KIF4A: variants seen among roughly 807,000 people sequenced by gnomAD.
KIF4A encodes the protein kinesin family member 4A, also known as chromosome-associated kinesin KIF4A.
A neutral mutation model predicts 105.9 loss-of-function variants in KIF4A; 7 were observed. The observed-to-expected ratio is 0.07, with a 90% CI of 0.04 to 0.12. The LOEUF (loss-of-function observed/expected upper bound fraction) is 0.12, where lower values mean the gene tolerates loss of function less well. KIF4A is among the 10% of genes least tolerant of loss of function. The pLI, the probability that KIF4A is intolerant of heterozygous loss-of-function variation, is 1.00. For missense variants in KIF4A, 558 were observed against 929.2 expected (o/e 0.60, Z 5.19); for synonymous variants, 281 against 331.3 (o/e 0.85, Z 1.65).
At chrX:70,294,988 C>T (rs1274202794) in intron 3 of KIF4A, among the ~76,000 whole-genome samples, 2 of 112,021 alleles carry the variant, frequency 1.8e-5, no homozygotes, top group Admixed American at 1.9e-4. Flanking sequence ...GTGGGAGGAT[C>T]GCTTGGGCCT....
intron 28 of KIF4A, among the ~76,000 whole-genome samples, chrX:70,408,293 CAG>C (rs1291403216): frequency 9.0e-6 from 1 of 111,260 alleles, no homozygotes; most frequent in East Asian, 2.8e-4. Context: ...CTTTGCCTAA[CAG>C]AGTAATTTTA....
At chrX:70,369,865 T>C (rs943183970) in intron 15 of KIF4A, among the ~76,000 whole-genome samples, 1 of 112,006 alleles carries the variant, frequency 8.9e-6, no homozygotes, top group Non-Finnish European at 1.9e-5. Context: ...ATATGTAATA[T>C]ATAATACATT....
At chrX:70,324,612 T>TA (rs1387486024) in intron 7 of KIF4A, among the ~76,000 whole-genome samples, 1 of 111,647 alleles carries the variant, frequency 9.0e-6, no homozygotes, top group Non-Finnish European at 1.9e-5. Context: ...AATAACCTTC[T>TA]AAATGGTTTC....
At chrX:70,317,269 A>G (rs1205397920) in intron 7 of KIF4A, among the ~76,000 whole-genome samples, 2 of 111,538 alleles carry the variant, frequency 1.8e-5, no homozygotes, top group Non-Finnish European at 3.8e-5. Context: ...TTTAGACTCA[A>G]GCTTCTCAAA....
intron 24 of KIF4A, 105 bp from the exon 25 acceptor site, chrX:70,404,610 A>G: frequency 2.0e-6 from 1 of 489,220 alleles, no homozygotes; most frequent in South Asian, 3.4e-5. Flanking sequence ...GTTTACTTCT[A>G]AATCACAAGA....
chrX:70,359,605 T>G (rs778980049), intron 15 of KIF4A, among the ~76,000 whole-genome samples: 4 of 109,018 alleles, frequency 3.7e-5, no homozygotes, highest in African/African-American at 1.3e-4. Context: ...GGCCTTAGGG[T>G]GTGAATCTTT....
Position 70,404,792 on chromosome X carries a change from A to G in KIF4A, c.2868A>G (p.Glu956=), listed in dbSNP as rs1442072554. 3 of 1,203,309 alleles carry G rather than the reference A, an allele frequency of 2.5e-6. No individual in the cohort carries two copies. The highest frequency in any genetic ancestry group is 3.4e-6 in the Non-Finnish European group (3 of 890,152). ...TAGAGGAATCAGTCAGTGAAAAGGA[A>G]CAGCAGCTGCTGAGCACACTGAAGT... ...KQLEESVSEK[E]QQLLSTLKCQ... The change falls in exon 25 of 31, where the codon GAA becomes GAG. Residue 956 remains glutamate (E), a synonymous_variant. Coordinates refer to ENST00000374403, the MANE Select transcript of KIF4A (RefSeq NM_012310.5).
At chrX:70,307,306 A>G (rs1388457157) in intron 7 of KIF4A, among the ~76,000 whole-genome samples, 1 of 110,740 alleles carries the variant, frequency 9.0e-6, no homozygotes, top group Admixed American at 9.6e-5. Context: ...AGTTTTGTAG[A>G]TCTTGTATCT....
intron 15 of KIF4A, among the ~76,000 whole-genome samples, chrX:70,364,685 A>G (rs1230945483): frequency 9.0e-6 from 1 of 111,605 alleles, no homozygotes; most frequent in African/African-American, 3.3e-5. Flanking sequence ...GATACCTCCA[A>G]CTTTGTTCTT....
intron 7 of KIF4A, among the ~76,000 whole-genome samples, chrX:70,324,076 G>A (rs980766724): frequency 1.2e-4 from 13 of 110,924 alleles, no homozygotes; most frequent in African/African-American, 3.3e-4. Flanking sequence ...GATCTGCCTC[G>A]GCCTCCCAGA....
intron 5 of KIF4A, among the ~76,000 whole-genome samples, chrX:70,300,951 G>A (rs948368651): frequency 8.9e-6 from 1 of 111,875 alleles, no homozygotes; most frequent in Non-Finnish European, 1.9e-5. Flanking sequence ...ACCAGTTGGG[G>A]AAACTGTTGC....
intron 10 of KIF4A, among the ~76,000 whole-genome samples, chrX:70,340,963 A>T (rs2085970194): frequency 9.0e-6 from 1 of 111,579 alleles, no homozygotes; most frequent in African/African-American, 3.3e-5. Flanking sequence ...AAAACAAAAA[A>T]CAGCCCTACT....
At chrX:70,313,548 A>G (rs1347119654) in intron 7 of KIF4A, among the ~76,000 whole-genome samples, 5 of 112,195 alleles carry the variant, frequency 4.5e-5, no homozygotes, top group African/African-American at 6.5e-5. Flanking sequence ...CCACAACCAG[A>G]TACCTTGACC....
chrX:70,377,356 G>A (rs901946394), intron 18 of KIF4A, among the ~76,000 whole-genome samples: 1 of 111,757 alleles, frequency 8.9e-6, no homozygotes, highest in Non-Finnish European at 1.9e-5. Context: ...ACAGGCATGA[G>A]CCACTGAACC....
intron 7 of KIF4A, among the ~76,000 whole-genome samples, chrX:70,305,259 G>A (rs1306621052): frequency 9.0e-6 from 1 of 111,510 alleles, no homozygotes; most frequent in Non-Finnish European, 1.9e-5. Context: ...TTCACAAGGA[G>A]TTGTATAACC....
chrX:70,306,697 C>T (rs1449683159), intron 7 of KIF4A, among the ~76,000 whole-genome samples: 1 of 111,073 alleles, frequency 9.0e-6, no homozygotes, highest in African/African-American at 3.3e-5. Context: ...CATGCCAGCA[C>T]ACCTGGCTGA....
chrX:70,393,226 G>A (rs968672198), intron 20 of KIF4A, among the ~76,000 whole-genome samples: 2 of 111,010 alleles, frequency 1.8e-5, no homozygotes, highest in Non-Finnish European at 3.8e-5. Flanking sequence ...GTTTCCAAAT[G>A]TTTGGGGATT....
intron 20 of KIF4A, 124 bp downstream of exon 20, chrX:70,387,421 G>T: frequency 2.0e-6 from 1 of 490,776 alleles, no homozygotes. Flanking sequence ...CTACTTGAAA[G>T]CCTTATTTCC....
rs756473822 is a variant in KIF4A at position 70,290,768 on chromosome X, T to C, written c.198T>C (p.Asn66=). Residue 66 remains asparagine (N), a synonymous_variant, in exon 3 of 31, where the codon AAT becomes AAC. Transcript: ENST00000374403. ...DPSTEQEEVF[N]TAVAPLIKGV... is the part of the protein sequence containing the mutation. The stretch of plus-strand genomic sequence containing the variant: ...CTACTGAACAGGAAGAAGTCTTCAA[T>C]ACAGCAGTAGCGCCACTCATAAAAG... 8.3e-7 allele frequency: 1 copy of C among 1,203,627 alleles called. No homozygotes were observed. Among genetic ancestry groups the C allele is most frequent in the Middle Eastern group, 2.3e-4 (1 of 4,336 alleles).
Sources: allele counts gnomAD v4.1 joint callset (sites outside exome capture counted in the v4.1 genomes callset), GRCh38; gene constraint gnomAD v4.1.1; transcripts MANE v1.5; gene names NCBI Gene and HGNC (gene_info 2026-07-23, HGNC 2026-07-21).